The following BNC2 variants were observed in gnomAD, a reference collection of about 807,000 sequenced individuals.
The protein encoded by BNC2 is basonuclin zinc finger protein 2.
Under a neutral mutation model 76.3 loss-of-function variants are expected in BNC2, and 20 were observed. That is an observed-to-expected ratio of 0.26 (90% CI 0.18 to 0.38). The LOEUF (loss-of-function observed/expected upper bound fraction) is 0.38. Among genes scored for constraint, BNC2 ranks in the 10% least tolerant of loss-of-function variants. The pLI is 1.00. For synonymous variants in BNC2, 582 were observed against 514.8 expected (o/e 1.13, Z -1.77); for missense variants, 1,382 against 1,399.8 (o/e 0.99, Z 0.20).
chr9:16,673,530 A>C (rs1245418633), intron 3 of BNC2, among the ~76,000 whole-genome samples: 1 of 152,122 alleles, frequency 6.6e-6, no homozygotes, highest in East Asian at 1.9e-4. Flanking sequence ...TTCTATATAC[A>C]CAAGTCCCAG....
intron 3 of BNC2, among the ~76,000 whole-genome samples, chr9:16,630,889 G>A (rs909153262): frequency 3.3e-5 from 5 of 151,934 alleles, no homozygotes; most frequent in African/African-American, 9.7e-5. Flanking sequence ...ACAGGCATGC[G>A]CCACCACGCC....
At chr9:16,643,554 G>A (rs117388188) in intron 3 of BNC2, among the ~76,000 whole-genome samples, 1 of 152,066 alleles carries the variant, frequency 6.6e-6, no homozygotes, top group East Asian at 1.9e-4. Flanking sequence ...CTTTTACACT[G>A]GTTATGGTGT....
intron 3 of BNC2, among the ~76,000 whole-genome samples, chr9:16,594,090 G>T (rs952173014): frequency 8.6e-5 from 13 of 152,028 alleles, no homozygotes; most frequent in African/African-American, 3.1e-4. Flanking sequence ...CATTAATAAG[G>T]ACAGGATTTA....
chr9:16,434,025 T>G (rs1201131167), intron 6 of BNC2, among the ~76,000 whole-genome samples: 1 of 152,186 alleles, frequency 6.6e-6, no homozygotes, highest in African/African-American at 2.4e-5. Context: ...TGATGCATTC[T>G]GGGACTGTCA....
intron 4 of BNC2, among the ~76,000 whole-genome samples, chr9:16,572,473 A>G (rs1171182014): frequency 6.6e-6 from 1 of 152,190 alleles, no homozygotes; most frequent in Non-Finnish European, 1.5e-5. Flanking sequence ...TTAGAGTTTC[A>G]ATAAACCTTT....
intron 1 of BNC2, among the ~76,000 whole-genome samples, chr9:16,810,800 G>C (rs1391653816): frequency 6.6e-6 from 1 of 152,204 alleles, no homozygotes; most frequent in Non-Finnish European, 1.5e-5. Context: ...TGGGAATGTA[G>C]ACAAGGTGTT....
intron 1 of BNC2, among the ~76,000 whole-genome samples, chr9:16,864,796 C>T (rs1819500459): frequency 6.6e-6 from 1 of 151,918 alleles, no homozygotes; most frequent in Admixed American, 6.6e-5. Flanking sequence ...ACAGTGGGGC[C>T]TTTCGGTTTT....
chr9:16,807,371 ATCT>A (rs1361103631), intron 1 of BNC2, among the ~76,000 whole-genome samples: 4 of 152,192 alleles, frequency 2.6e-5, no homozygotes, highest in Non-Finnish European at 4.4e-5. Flanking sequence ...ATTAACCCAA[ATCT>A]TCTTCTAAAT....
chr9:16,449,490 A>G (rs560215605), intron 5 of BNC2, among the ~76,000 whole-genome samples: 57 of 152,030 alleles, frequency 3.7e-4, no homozygotes, highest in African/African-American at 1.3e-3. Flanking sequence ...TGCATAAGTC[A>G]CTCAGTCCAC....
chr9:16,716,042 G>A (rs1165619977), intron 3 of BNC2, among the ~76,000 whole-genome samples: 1 of 152,120 alleles, frequency 6.6e-6, no homozygotes, highest in Non-Finnish European at 1.5e-5. Context: ...CTTACAGAGT[G>A]GTTCAACAAT....
intron 3 of BNC2, among the ~76,000 whole-genome samples, chr9:16,611,631 G>A (rs1490928102): frequency 6.6e-6 from 1 of 151,984 alleles, no homozygotes; most frequent in Non-Finnish European, 1.5e-5. Context: ...GTAAAAAAAA[G>A]GTCTCACTTT....
intron 1 of BNC2, among the ~76,000 whole-genome samples, chr9:16,776,612 G>C (rs909959547): frequency 2.6e-5 from 4 of 152,126 alleles, no homozygotes; most frequent in African/African-American, 9.7e-5. Flanking sequence ...TAATTGTAAA[G>C]ACGTAATTTT....
At chr9:16,847,030 T>C (rs1438167403) in intron 1 of BNC2, among the ~76,000 whole-genome samples, 1 of 152,200 alleles carries the variant, frequency 6.6e-6, no homozygotes, top group Admixed American at 6.5e-5. Flanking sequence ...ATATTTAAAA[T>C]AGTAATATCT....
chr9:16,723,263 A>G (rs1824216929), intron 3 of BNC2, among the ~76,000 whole-genome samples: 1 of 152,146 alleles, frequency 6.6e-6, no homozygotes, highest in Admixed American at 6.6e-5. Flanking sequence ...CCTGGCAATG[A>G]AAGTCGTTTT....
intron 1 of BNC2, among the ~76,000 whole-genome samples, chr9:16,853,475 A>G (rs1307390960): frequency 6.6e-6 from 1 of 151,730 alleles, no homozygotes; most frequent in African/African-American, 2.4e-5. Context: ...GTAACTTTCT[A>G]ATTACATTTT....
intron 1 of BNC2, among the ~76,000 whole-genome samples, chr9:16,817,448 G>A (rs888294314): frequency 1.4e-4 from 21 of 152,052 alleles, no homozygotes; most frequent in South Asian, 4.2e-4. Context: ...AAAATATAAG[G>A]GTCTAGAGTC....
At chr9:16,741,044 C>T (rs1192261401) in intron 1 of BNC2, among the ~76,000 whole-genome samples, 1 of 151,996 alleles carries the variant, frequency 6.6e-6, no homozygotes, top group African/African-American at 2.4e-5. Context: ...ACAGGGTGCT[C>T]AATAAATAAC....
At chr9:16,534,991 A>AT (rs957411581) in intron 5 of BNC2, among the ~76,000 whole-genome samples, 46 of 152,268 alleles carry the variant, frequency 3.0e-4, no homozygotes, top group African/African-American at 9.6e-4. Context: ...AAATCTGCCT[A>AT]TTTTTTTCTG....
In BNC2 at chr9:16,417,868, T is replaced by A. The variant is rs1031187156; in HGVS notation, c.*1121A>T. 6.6e-6 allele frequency: 1 copy of A among 152,662 alleles called. No individual in the cohort carries two copies. Among genetic ancestry groups the A allele is most frequent in the Non-Finnish European group, 1.5e-5 (1 of 68,046 alleles). 9.5% of individuals were successfully genotyped at this position (152,662 alleles called of 1,614,324 possible). A position where few individuals can be genotyped will look rare whatever the true frequency, so the allele number is the denominator to read the frequency against. Reference sequence around the variant, plus strand: ...AAGAAGGATGCAATGTTGATTCTAATAACATTCGGCACTTGAAAGAATCAC... The same window carrying A: ...AAGAAGGATGCAATGTTGATTCTAAAAACATTCGGCACTTGAAAGAATCAC... On this transcript the variant is annotated 3_prime_UTR_variant, in exon 7 of 7. Coordinates refer to ENST00000380672, the MANE Select transcript of BNC2 (RefSeq NM_017637.6).
Sources: allele counts gnomAD v4.1 joint callset (sites outside exome capture counted in the v4.1 genomes callset), GRCh38; gene constraint gnomAD v4.1.1; transcripts MANE v1.5; gene names NCBI Gene and HGNC (gene_info 2026-07-23, HGNC 2026-07-21).